The following MAP3K2 variants were observed in gnomAD, a reference collection of about 807,000 sequenced individuals.
MAP3K2 encodes the protein MAP/ERK kinase kinase 2.
A neutral mutation model predicts 80.3 loss-of-function variants in MAP3K2; 24 were observed. The observed-to-expected ratio is 0.30, with a 90% CI of 0.22 to 0.42. MAP3K2 has a LOEUF of 0.42. Among genes scored for constraint, MAP3K2 ranks in the 10% least tolerant of loss-of-function variants. MAP3K2 has a pLI of 1.00. For synonymous variants in MAP3K2, 244 were observed against 253.7 expected, an observed-to-expected ratio of 0.96 and a Z score of 0.36; for missense variants, 608 against 750.1, an observed-to-expected ratio of 0.81 and a Z score of 2.21.
Position 127,326,814 on chromosome 2 carries a change from G to A in MAP3K2, c.470C>T (p.Pro157Leu). ...AGGAGAACTTCTATCTCTACTAGTA[G>A]GACCTCAAGGAAGAAAAATAATGTA... ...ERKKRLSIIG[P>L]TSRDRSSPPP... is the part of the protein sequence containing the mutation. The change falls in exon 8 of 17, where the codon CCT (proline) becomes CTT (leucine). Residue 157 changes from proline (P) to leucine (L), a missense_variant. By Grantham distance (98) the Pro-to-Leu change is moderately conservative. Coordinates refer to ENST00000682094, the MANE Select transcript of MAP3K2 (RefSeq NM_001371910.2). 6.5e-7 allele frequency: 1 copy of A among 1,541,936 alleles called. No individual in the cohort carries two copies.
At chr2:127,384,929 C>A (rs906299169) in intron 1 of MAP3K2, among the ~76,000 whole-genome samples, 3 of 152,136 alleles carry the variant, frequency 2.0e-5, no homozygotes, top group East Asian at 3.9e-4. Context: ...GACCCCATTA[C>A]GCCTGGACAG....
At chr2:127,379,335 G>C (rs1221507564) in intron 1 of MAP3K2, among the ~76,000 whole-genome samples, 2 of 151,958 alleles carry the variant, frequency 1.3e-5, no homozygotes, top group African/African-American at 4.8e-5. Context: ...TTATATGCTA[G>C]GCACCGTCCT....
Position 127,335,889 on chromosome 2 carries a change from A to T in MAP3K2, c.245T>A (p.Leu82Gln), listed in dbSNP as rs1268786067. ...GTTTACCTCGTTATTGGTATAATGT[A>T]GATCCATAGACTGTCCAAAGGCAAT... The part of the protein sequence containing the change: ...AKIAFGQSMD[L>Q]HYTNNELVIP... Residue 82 changes from leucine to glutamine, a missense_variant, in exon 5 of 17, where the codon CTA becomes CAA. Physicochemically the swap from Leu to Gln is moderately radical, Grantham distance 113. Coordinates refer to ENST00000682094, the MANE Select transcript of MAP3K2 (RefSeq NM_001371910.2). 2 of 1,560,060 alleles carry T rather than the reference A, an allele frequency of 1.3e-6. No homozygotes were observed.
At chr2:127,369,584 T>C (rs991810482) in intron 1 of MAP3K2, among the ~76,000 whole-genome samples, 17 of 152,052 alleles carry the variant, frequency 1.1e-4, no homozygotes, top group Admixed American at 5.9e-4. Flanking sequence ...CTCACATTTT[T>C]CCCACTGGCT....
intron 1 of MAP3K2, among the ~76,000 whole-genome samples, chr2:127,379,763 G>C (rs989497172): frequency 6.6e-6 from 1 of 152,140 alleles, no homozygotes; most frequent in Admixed American, 6.5e-5. Context: ...AAGAAAAGCA[G>C]CATGTTAGGA....
In MAP3K2 at chr2:127,303,337, A is replaced by AG. The variant is rs1447072523; in HGVS notation, c.*4241_*4242insC. On this transcript the variant is annotated 3_prime_UTR_variant, in exon 17 of 17. Coordinates refer to ENST00000682094, the MANE Select transcript of MAP3K2 (RefSeq NM_001371910.2). ...AAAGAGACACTGGGGAAAAAAAAAA[A>AG]AAAGAACAAAAAAACACTGTTATGG... The AG allele has an allele frequency of 6.6e-6, 1 of 151,522 alleles. No individual in the cohort carries two copies. Among genetic ancestry groups the AG allele is most frequent in the Non-Finnish European group, 1.5e-5 (1 of 67,848 alleles). 9.4% of individuals were successfully genotyped at this position (151,522 alleles called of 1,614,324 possible).
intron 7 of MAP3K2, among the ~76,000 whole-genome samples, 152 bp downstream of exon 7, chr2:127,329,769 G>A (rs917808961): frequency 1.3e-5 from 2 of 152,224 alleles, no homozygotes; most frequent in Middle Eastern, 3.4e-3. Context: ...TCCAAGGGAC[G>A]TCAAATATTA....
At position 127,321,019 on chromosome 2, in the gene MAP3K2, T is replaced by C. The variant is rs147547596; in HGVS notation, c.1045+1027A>G. Among the ~76,000 whole-genome samples the C allele has an allele frequency of 6.6e-5, 10 of 152,116 alleles. No individual in the cohort carries two copies. Among genetic ancestry groups the C allele is most frequent in the African/African-American group, 2.2e-4 (9 of 41,484 alleles). The stretch of plus-strand genomic sequence containing the variant: ...CCTGTAGTGCCAGATACTTGGGAGT[T>C]TGAAGTGGGAGGATTGCTTGAGCCC... On this transcript the variant is annotated intron_variant, in intron 12 of 16. Coordinates refer to ENST00000682094, the MANE Select transcript of MAP3K2 (RefSeq NM_001371910.2). This position sits in a 1 kb window ranked among gnomAD's most constrained non-coding sequence, Gnocchi z 4.4.
At chr2:127,384,502 G>A (rs1188044736) in intron 1 of MAP3K2, among the ~76,000 whole-genome samples, 1 of 152,090 alleles carries the variant, frequency 6.6e-6, no homozygotes, top group Non-Finnish European at 1.5e-5. Flanking sequence ...CAGGAATTTG[G>A]AAGAAGCTGA....
chr2:127,362,222 GGT>G (rs2104874457), intron 1 of MAP3K2, among the ~76,000 whole-genome samples: 1 of 152,286 alleles, frequency 6.6e-6, no homozygotes, highest in South Asian at 2.1e-4. Flanking sequence ...CCACTTACCA[GGT>G]GTGTGACCGC....
At chr2:127,324,957 T>C (rs192951311) in intron 9 of MAP3K2, among the ~76,000 whole-genome samples, 1 of 152,342 alleles carries the variant, frequency 6.6e-6, no homozygotes, top group East Asian at 1.9e-4. Context: ...CATGTACCAA[T>C]GTGACACAGT....
rs150648125 is a variant in MAP3K2, at chr2:127,367,224, T to G, written c.-66+20228A>C. On this transcript the variant is annotated intron_variant, in intron 1 of 16. Transcript: ENST00000682094. ...TGTCACATCATCTCTAAAAGTAGAT[T>G]TTTATCAATCTAAGGCTGAGCAACC... Among the ~76,000 whole-genome samples, 1,365 of 152,266 alleles carry G rather than the reference T, an allele frequency of 9.0e-3. 15 individuals carry two copies. The highest frequency in any genetic ancestry group is 0.088 in the Middle Eastern group (26 of 294).
intron 1 of MAP3K2, among the ~76,000 whole-genome samples, chr2:127,343,435 G>A (rs1686537894): frequency 6.6e-6 from 1 of 152,162 alleles, no homozygotes; most frequent in Non-Finnish European, 1.5e-5. Flanking sequence ...AAACCATAGT[G>A]TTTGTACAAA....
In MAP3K2 at chr2:127,338,934, G is replaced by GT; in HGVS notation, c.120dup (p.Gln41ThrfsTer3). The stretch of plus-strand genomic sequence containing the variant: ...AAAATACTTATTAAAATAAATACCT[G>GT]TTTTTTTGGTGATGAAGATTTTGCT... On this transcript the variant is annotated frameshift_variant, in exon 3 of 17. Transcript: ENST00000682094. LOFTEE classifies it high-confidence loss of function. 6.3e-7 allele frequency: 1 copy of GT among 1,587,968 alleles called. No individual in the cohort carries two copies. The highest frequency in any genetic ancestry group is 8.6e-7 in the Non-Finnish European group (1 of 1,163,460).
chr2:127,351,867 G>GT (rs1186343967), intron 1 of MAP3K2, among the ~76,000 whole-genome samples: 9 of 151,370 alleles, frequency 5.9e-5, no homozygotes, highest in Admixed American at 2.6e-4. Flanking sequence ...CCTACTTCTT[G>GT]TTTTTTTGTG....
In MAP3K2 at chr2:127,307,672, A is replaced by G; in HGVS notation, c.1767T>C (p.Tyr589=). 6.3e-7 allele frequency: 1 copy of G among 1,594,376 alleles called. No individual in the cohort carries two copies. The change falls in exon 17 of 17, where the codon TAT becomes TAC. Residue 589 remains tyrosine (Y), a synonymous_variant. Coordinates refer to ENST00000682094, the MANE Select transcript of MAP3K2 (RefSeq NM_001371910.2). This position sits in a 1 kb window ranked among gnomAD's most constrained non-coding sequence, Gnocchi z 5.4. ...NPKLPPHVSD[Y]TRDFLKRIFV... is the part of the protein sequence containing the mutation. Reference sequence around the variant, plus strand: ...AAATCCGTTTGAGGAAATCTCGAGTATAGTCTGAGACATGAGGTGGCAGCT... The same window carrying G: ...AAATCCGTTTGAGGAAATCTCGAGTGTAGTCTGAGACATGAGGTGGCAGCT...
chr2:127,322,696 C>T lies in MAP3K2; in HGVS notation c.839-444G>A, dbSNP rs1224165622. On this transcript the variant is annotated intron_variant, in intron 11 of 16. Transcript: ENST00000682094. The surrounding 1 kb of genome is among the most constrained non-coding windows in gnomAD (Gnocchi z 4.2). ...GCAACCTCCGCCTCCAGGGTTCAAG[C>T]GATTCTCCTGTCTCAGCCTCCCAAG... Among the ~76,000 whole-genome samples, 1 of 151,986 alleles carries T rather than the reference C, an allele frequency of 6.6e-6. No individual in the cohort carries two copies. The highest frequency in any genetic ancestry group is 1.5e-5 in the Non-Finnish European group (1 of 67,986).
chr2:127,316,594 G>A (rs1265849837), intron 14 of MAP3K2, among the ~76,000 whole-genome samples: 2 of 152,178 alleles, frequency 1.3e-5, no homozygotes, highest in Admixed American at 6.5e-5. Flanking sequence ...CTATTCCTAT[G>A]TGCCACTGCT....
At chr2:127,371,170 A>G (rs1207066132) in intron 1 of MAP3K2, among the ~76,000 whole-genome samples, 1 of 152,208 alleles carries the variant, frequency 6.6e-6, no homozygotes, top group Non-Finnish European at 1.5e-5. Context: ...GTATGACCCC[A>G]TGGGACTGGT....
Sources: gnomAD v4.1 joint callset for allele counts (sites outside exome capture counted in the v4.1 genomes callset) on GRCh38, gnomAD v4.1.1 for gene constraint, Gnocchi (gnomAD v3.1) non-coding constraint, MANE v1.5 for transcripts, NCBI Gene and HGNC (gene_info 2026-07-23, HGNC 2026-07-21) for gene names.